Variants in LEPR observed in about 807,000 individuals in gnomAD.
LEPR encodes OB receptor.
In LEPR, 56 loss-of-function variants were observed where a neutral mutation model predicts 114.7. The ratio of observed to expected loss-of-function variants is 0.49; its 90% confidence interval spans 0.39 to 0.61. The LOEUF (loss-of-function observed/expected upper bound fraction) is 0.61. LEPR is among the 20% of genes least tolerant of loss of function. The pLI is 0.00. For synonymous variants in LEPR, 443 were observed against 461.4 expected, an observed-to-expected ratio of 0.96 and a Z score of 0.51; for missense variants, 1,202 against 1,352.9, an observed-to-expected ratio of 0.89 and a Z score of 1.75.
At chr1:65,440,032 A>G (rs561303800) in intron 2 of LEPR, among the ~76,000 whole-genome samples, 10 of 150,722 alleles carry the variant, frequency 6.6e-5, no homozygotes, top group African/African-American at 2.2e-4. Context: ...AAAGAAAAAG[A>G]AAATTGACAG....
chr1:65,455,729 C>T (rs1488719787), intron 2 of LEPR, among the ~76,000 whole-genome samples: 1 of 152,210 alleles, frequency 6.6e-6, no homozygotes. Context: ...TTACTGCTGT[C>T]TTTTTGTTTG....
chr1:65,445,852 CTT>C (rs951502759), intron 2 of LEPR, among the ~76,000 whole-genome samples: 4 of 152,258 alleles, frequency 2.6e-5, no homozygotes, highest in Middle Eastern at 3.4e-3. Flanking sequence ...GTGAAACTCT[CTT>C]AACATTTTAA....
intron 2 of LEPR, among the ~76,000 whole-genome samples, chr1:65,438,375 C>T (rs1646595472): frequency 6.6e-6 from 1 of 151,524 alleles, no homozygotes; most frequent in Non-Finnish European, 1.5e-5. Context: ...CATGGTGAAA[C>T]CCCGTCTCTA....
chr1:65,543,407 G>A (rs1481320931), intron 2 of LEPR, among the ~76,000 whole-genome samples: 1 of 151,876 alleles, frequency 6.6e-6, no homozygotes, highest in Non-Finnish European at 1.5e-5. Context: ...CTCCTATTCC[G>A]TAGGTTGCCT....
chr1:65,467,289 C>T (rs1208039035), intron 2 of LEPR, among the ~76,000 whole-genome samples: 4 of 152,148 alleles, frequency 2.6e-5, no homozygotes, highest in African/African-American at 9.7e-5. Context: ...AGTCAGACCC[C>T]TCAGCTGCAG....
chr1:65,590,884 C>CT (rs35969506), intron 5 of LEPR, among the ~76,000 whole-genome samples: 25 of 147,092 alleles, frequency 1.7e-4, no homozygotes, highest in Non-Finnish European at 2.3e-4. Context: ...TGAATTTGCT[C>CT]TTTTTTTTTT....
chr1:65,575,615 TTAGAACATAC>T (rs1654530913), intron 5 of LEPR, among the ~76,000 whole-genome samples: 1 of 149,846 alleles, frequency 6.7e-6, no homozygotes, highest in South Asian at 2.1e-4. Context: ...AATTGTCTGT[TTAGAACATAC>T]TAAACAAATG....
intron 2 of LEPR, among the ~76,000 whole-genome samples, chr1:65,496,783 C>T (rs1648182395): frequency 6.6e-6 from 1 of 151,976 alleles, no homozygotes; most frequent in South Asian, 2.1e-4. Flanking sequence ...CTTAATGAGC[C>T]CCATTGCCAG....
At position 65,618,048 on chromosome 1, in the gene LEPR, A is replaced by C. The variant is rs1430022418; in HGVS notation, c.2297A>C (p.Lys766Thr). The stretch of plus-strand genomic sequence containing the variant: ...TGGATACTATCACCCAGTGATTACA[A>C]GCTAATGTATTTTATTATTGAGTGG... ...VSWILSPSDY[K>T]LMYFIIEWKN... The change falls in exon 16 of 20, where the codon AAG becomes ACG. Residue 766 changes from lysine to threonine, a missense_variant. Coordinates refer to ENST00000349533, the MANE Select transcript of LEPR (RefSeq NM_002303.6). The C allele has an allele frequency of 1.2e-6, 2 of 1,612,876 alleles. No homozygotes were observed. The highest frequency in any genetic ancestry group is 4.5e-5 in the East Asian group (2 of 44,768).
In LEPR at chr1:65,509,592, C is replaced by A. The variant is rs7526141; in HGVS notation, c.-20-55954C>A. 1.8e-3 allele frequency among the ~76,000 whole-genome samples: 272 copies of A among 151,860 alleles called. No individual in the cohort carries two copies. The East Asian group carries it at 0.037, about 20-fold the overall frequency. On this transcript the variant is annotated intron_variant, in intron 2 of 19. Transcript: ENST00000349533. ...CTTGGATAGGGTACAAGAAACAGGG[C>A]GTATGTTTATCACAGTTTAGTCTCC...
chr1:65,616,788 A>G (rs4655729), intron 15 of LEPR, among the ~76,000 whole-genome samples: 70,259 of 151,836 alleles, frequency 0.46, 17,162 homozygotes, highest in East Asian at 0.87. Flanking sequence ...TTCAATAGGA[A>G]TTTCTAGTCT....
chr1:65,548,407 G>C (rs1332528750), intron 2 of LEPR, among the ~76,000 whole-genome samples: 3 of 152,072 alleles, frequency 2.0e-5, no homozygotes, highest in East Asian at 1.9e-4. Flanking sequence ...TGACAGTGGG[G>C]TGTTAAAGTC....
chr1:65,527,071 C>T (rs1650023597), intron 2 of LEPR, among the ~76,000 whole-genome samples: 1 of 152,190 alleles, frequency 6.6e-6, no homozygotes, highest in African/African-American at 2.4e-5. Context: ...AACAAAAATA[C>T]ATGGCTTTAG....
chr1:65,472,974 G>C (rs1647107019), intron 2 of LEPR, among the ~76,000 whole-genome samples: 1 of 152,164 alleles, frequency 6.6e-6, no homozygotes, highest in Admixed American at 6.5e-5. Flanking sequence ...ATACATAAAT[G>C]CTGGCTAAAT....
intron 2 of LEPR, chr1:65,432,392 C>G: frequency 2.2e-6 from 2 of 913,758 alleles, no homozygotes; most frequent in Non-Finnish European, 2.6e-6. Context: ...ATTAGAAATG[C>G]AGAATCTGAA....
chr1:65,574,580 C>G (rs966712827), intron 5 of LEPR, among the ~76,000 whole-genome samples: 3 of 152,250 alleles, frequency 2.0e-5, no homozygotes, highest in Admixed American at 1.3e-4. Flanking sequence ...GGCTGTACCA[C>G]TTACTAAATG....
chr1:65,513,525 G>C (rs544704990), intron 2 of LEPR, among the ~76,000 whole-genome samples: 1 of 152,288 alleles, frequency 6.6e-6, no homozygotes, highest in East Asian at 1.9e-4. Flanking sequence ...TGTAAACTTT[G>C]CAGCAGTTTA....
intron 2 of LEPR, among the ~76,000 whole-genome samples, chr1:65,518,877 C>T (rs1317242166): frequency 1.6e-4 from 10 of 62,734 alleles, no homozygotes; most frequent in Non-Finnish European, 3.2e-4. Context: ...CTTTCTTTTT[C>T]TTTCTTTCTT....
chr1:65,629,543 A>G (rs1276950404), intron 19 of LEPR, among the ~76,000 whole-genome samples: 2 of 152,100 alleles, frequency 1.3e-5, no homozygotes, highest in Admixed American at 1.3e-4. Context: ...CCACCTGTTG[A>G]TCAAAATTGT....
Sources: allele counts gnomAD v4.1 joint callset (sites outside exome capture counted in the v4.1 genomes callset), GRCh38; gene constraint gnomAD v4.1.1; transcripts MANE v1.5; gene names NCBI Gene and HGNC (gene_info 2026-07-23, HGNC 2026-07-21).